ZNF76: variants seen among roughly 807,000 people sequenced by gnomAD.
ZNF76 encodes zinc finger protein 523.
A neutral mutation model predicts 66.9 loss-of-function variants in ZNF76; 66 were observed. The ratio of observed to expected loss-of-function variants is 0.99; its 90% CI spans 0.81 to 1.21. The LOEUF (loss-of-function observed/expected upper bound fraction) is 1.21. Ranked by LOEUF, ZNF76 falls within the 50% of genes most tolerant of loss-of-function variation. ZNF76 has a pLI of 0.00. For missense variants in ZNF76, 729 were observed against 760.3 expected (o/e 0.96, Z 0.48); for synonymous variants, 275 against 296.1 (o/e 0.93, Z 0.73).
chr6:35,295,690 C>A lies in ZNF76; in HGVS notation c.*442C>A. 1 of 207,502 alleles carries A rather than the reference C, an allele frequency of 4.8e-6. No individual in the cohort carries two copies. The highest frequency in any genetic ancestry group is 2.2e-5 in the African/African-American group (1 of 44,518). 12.9% of individuals were successfully genotyped at this position (207,502 alleles called of 1,614,324 possible). On this transcript the variant is annotated 3_prime_UTR_variant, in exon 14 of 14. Coordinates refer to ENST00000373953, the MANE Select transcript of ZNF76 (RefSeq NM_003427.5). ...CCTGCCCTCCCAGCAATAACCACCT[C>A]CCTGGAGGCCAGCTGAGATGCCTGG... is the stretch of plus-strand genomic sequence containing the variant.
chr6:35,290,236 C>T (rs1790161552), intron 5 of ZNF76, 30 bp from the exon 6 acceptor site: 1 of 1,613,204 alleles, frequency 6.2e-7, no homozygotes, highest in South Asian at 1.1e-5. Context: ...GGGGAGAATA[C>T]ATATAGGGAT....
At chr6:35,267,007 A>T (rs185202989) in intron 1 of ZNF76, among the ~76,000 whole-genome samples, 1 of 151,294 alleles carries the variant, frequency 6.6e-6, no homozygotes, top group Admixed American at 6.6e-5. Context: ...CACCGTGTTA[A>T]CCAGGATGGT....
At chr6:35,291,246 C>T (rs1168236543) in intron 7 of ZNF76, 32 bp from the exon 8 acceptor site, 1 of 1,581,992 alleles carries the variant, frequency 6.3e-7, no homozygotes, top group Admixed American at 1.8e-5. Flanking sequence ...ACTGGGTGCT[C>T]ATCTCACCCC....
At chr6:35,288,999 T>C (rs1790001516) in intron 5 of ZNF76, among the ~76,000 whole-genome samples, 1 of 150,732 alleles carries the variant, frequency 6.6e-6, no homozygotes, top group Non-Finnish European at 1.5e-5. Flanking sequence ...TAGGCTACAT[T>C]CACTCCCACC....
At chr6:35,295,044 G>A (rs536134228) in intron 13 of ZNF76, 100 bp from the exon 14 acceptor site, 10 of 835,198 alleles carry the variant, frequency 1.2e-5, no homozygotes, top group South Asian at 9.9e-5. Context: ...TGGGTAGATG[G>A]GGGAGAGTCA....
chr6:35,267,608 T>C (rs765190342), intron 1 of ZNF76, among the ~76,000 whole-genome samples: 6 of 152,220 alleles, frequency 3.9e-5, no homozygotes, highest in Non-Finnish European at 7.3e-5. Flanking sequence ...TGCCATGTGG[T>C]GGGCACTATG....
Position 35,281,236 on chromosome 6 carries a change from T to C in ZNF76, c.73+12T>C. 1 of 1,612,862 alleles carries C rather than the reference T, an allele frequency of 6.2e-7. No homozygotes were observed. Among genetic ancestry groups the C allele is most frequent in the East Asian group, 2.2e-5 (1 of 44,864 alleles). On this transcript the variant is annotated intron_variant, in intron 2 of 13. Transcript: ENST00000373953. Reference sequence around the variant, plus strand: ...GCAAGCTGTCAAAGGTAAGTATTTCTGGGGACCTCAGGATCCTGCCCTGTC... The same window carrying C: ...GCAAGCTGTCAAAGGTAAGTATTTCCGGGGACCTCAGGATCCTGCCCTGTC...
chr6:35,282,919 G>C (rs1788987254), intron 2 of ZNF76, among the ~76,000 whole-genome samples: 1 of 152,128 alleles, frequency 6.6e-6, no homozygotes, highest in East Asian at 1.9e-4. Flanking sequence ...ATCTTCTTGA[G>C]AACGCAACTT....
chr6:35,274,816 G>A (rs1787641366), intron 1 of ZNF76, among the ~76,000 whole-genome samples: 1 of 152,156 alleles, frequency 6.6e-6, no homozygotes, highest in South Asian at 2.1e-4. Context: ...CAAAGGTGAA[G>A]GGTTGTTTTC....
chr6:35,271,017 A>AT (rs1786974959), intron 1 of ZNF76, among the ~76,000 whole-genome samples: 1 of 151,924 alleles, frequency 6.6e-6, no homozygotes. Context: ...ATACCTAGCC[A>AT]TTTTTTTCAT....
At chr6:35,277,429 G>A (rs1788081004) in intron 1 of ZNF76, among the ~76,000 whole-genome samples, 1 of 152,170 alleles carries the variant, frequency 6.6e-6, no homozygotes. Context: ...CACCAAAAAA[G>A]TATTTTGGAG....
intron 1 of ZNF76, among the ~76,000 whole-genome samples, chr6:35,269,422 C>T (rs1786685103): frequency 6.6e-6 from 1 of 152,024 alleles, no homozygotes; most frequent in Non-Finnish European, 1.5e-5. Flanking sequence ...AGCCAGAGTG[C>T]CTCTTTTCTA....
In ZNF76 at chr6:35,286,381, A is replaced by G. The variant is rs778936523; in HGVS notation, c.214A>G (p.Ile72Val). ...GCTGGAAGATGGCAGCATGGCTTAC[A>G]TACACCGCACACCCAGAGGTAGGGT... The part of the protein sequence containing the change: ...VQLEDGSMAY[I>V]HRTPREGYDP... The change falls in exon 4 of 14, where the codon ATA becomes GTA. Residue 72 changes from isoleucine (I) to valine (V), a missense_variant. Transcript: ENST00000373953. The G allele has an allele frequency of 3.7e-6, 6 of 1,614,044 alleles. No homozygotes were observed. The highest frequency in any genetic ancestry group is 2.7e-5 in the African/African-American group (2 of 74,926).
chr6:35,294,593 G>A, intron 13 of ZNF76, 24 bp downstream of exon 13: 1 of 1,521,552 alleles, frequency 6.6e-7, no homozygotes, highest in Non-Finnish European at 9.1e-7. Context: ...TGGGAGGAAA[G>A]GGGATCCCAC....
chr6:35,268,169 G>A lies in ZNF76; in HGVS notation c.-97+8328G>A, dbSNP rs950349173. On this transcript the variant is annotated intron_variant, in intron 1 of 13. Coordinates refer to ENST00000373953, the MANE Select transcript of ZNF76 (RefSeq NM_003427.5). ...TTAGGCTGAAAGGCATGCTCTCCAG[G>A]AACTTAAATTATAATCACTGTAACA... Among the ~76,000 whole-genome samples, 10 of 152,156 alleles carry A rather than the reference G, an allele frequency of 6.6e-5. 1 individual carries two copies. In the East Asian group the frequency reaches 1.9e-3, roughly 29 times the overall value.
chr6:35,290,479 C>A (rs1218058864), intron 6 of ZNF76, 97 bp downstream of exon 6: 6 of 1,558,682 alleles, frequency 3.8e-6, no homozygotes, highest in East Asian at 2.3e-5. Flanking sequence ...CCTGCCCTCA[C>A]GTTGCTGGAG....
chr6:35,261,582 T>A (rs1255383721), intron 1 of ZNF76, among the ~76,000 whole-genome samples: 2 of 152,182 alleles, frequency 1.3e-5, no homozygotes, highest in Non-Finnish European at 2.9e-5. Flanking sequence ...GAGCTAAGAT[T>A]TGAACCCACA....
intron 4 of ZNF76, 55 bp downstream of exon 4, chr6:35,286,454 G>A (rs1789582073): frequency 6.5e-6 from 10 of 1,544,700 alleles, no homozygotes; most frequent in South Asian, 5.6e-5. Flanking sequence ...ACTGGAGGAT[G>A]GGGTGGCAGG....
At position 35,288,647 on chromosome 6, in the gene ZNF76, T is replaced by C. The variant is rs773251959; in HGVS notation, c.432+802T>C. Among the ~76,000 whole-genome samples the C allele has an allele frequency of 1.5e-4, 23 of 152,202 alleles. 1 individual carries two copies. The highest frequency in any genetic ancestry group is 2.6e-4 in the Admixed American group (4 of 15,288). On this transcript the variant is annotated intron_variant, in intron 5 of 13. Coordinates refer to ENST00000373953, the MANE Select transcript of ZNF76 (RefSeq NM_003427.5). ...CTGAATGATGGAGGAAAAAAGGAAG[T>C]CCTCATGTCTTTTCAAAATGAAGCA...
Sources: allele counts gnomAD v4.1 joint callset (sites outside exome capture counted in the v4.1 genomes callset), GRCh38; gene constraint gnomAD v4.1.1; transcripts MANE v1.5; gene names NCBI Gene and HGNC (gene_info 2026-07-23, HGNC 2026-07-21).